ADGRB3: variants seen among roughly 807,000 people sequenced by gnomAD.
The protein encoded by ADGRB3 is adhesion G protein-coupled receptor B3, also known as brain-specific angiogenesis inhibitor 3.
Under a neutral mutation model 193.4 loss-of-function variants are expected in ADGRB3, and 37 were observed. That is an observed-to-expected ratio of 0.19 (90% CI 0.15 to 0.25). The LOEUF is 0.25. ADGRB3 is among the 10% of genes least tolerant of loss of function. The pLI, the probability that ADGRB3 is intolerant of heterozygous loss-of-function variation, is 1.00. For missense variants in ADGRB3, 1,637 were observed against 1,852.9 expected, an observed-to-expected ratio of 0.88 and a Z score of 2.14; for synonymous variants, 690 against 644.2, an observed-to-expected ratio of 1.07 and a Z score of -1.08.
chr6:68,861,504 G>A (rs1251157477), intron 3 of ADGRB3, among the ~76,000 whole-genome samples: 2 of 152,142 alleles, frequency 1.3e-5, no homozygotes, highest in African/African-American at 4.8e-5. Context: ...GGAGCTTGCA[G>A]TGAGCCGAGA....
At chr6:68,663,542 G>C (rs1019049099) in intron 3 of ADGRB3, among the ~76,000 whole-genome samples, 1 of 151,694 alleles carries the variant, frequency 6.6e-6, no homozygotes, top group Admixed American at 6.6e-5. Flanking sequence ...TACTATCCAT[G>C]TGTGTTTTGC....
At chr6:68,856,896 G>T (rs532958760) in intron 3 of ADGRB3, among the ~76,000 whole-genome samples, 42 of 152,298 alleles carry the variant, frequency 2.8e-4, no homozygotes, top group Non-Finnish European at 5.6e-4. Context: ...CAGGCCCTGG[G>T]CTCTCCTGCT....
chr6:69,291,745 C>T (rs866285504), intron 20 of ADGRB3, among the ~76,000 whole-genome samples: 7 of 152,088 alleles, frequency 4.6e-5, no homozygotes, highest in African/African-American at 9.7e-5. Flanking sequence ...TACACTACCC[C>T]CAAAATATGG....
chr6:69,183,389 A>G (rs1483295917), intron 17 of ADGRB3, among the ~76,000 whole-genome samples: 3 of 152,116 alleles, frequency 2.0e-5, no homozygotes, highest in African/African-American at 7.2e-5. Flanking sequence ...TAAGTAGTGA[A>G]GACTGTAAAC....
chr6:68,788,888 G>C (rs1171772545), intron 3 of ADGRB3, among the ~76,000 whole-genome samples: 1 of 152,174 alleles, frequency 6.6e-6, no homozygotes, highest in African/African-American at 2.4e-5. Flanking sequence ...TTGTTGAATT[G>C]ATCCCTTTAC....
chr6:68,873,979 T>C (rs1188878942), intron 3 of ADGRB3, among the ~76,000 whole-genome samples: 1 of 152,126 alleles, frequency 6.6e-6, no homozygotes, highest in African/African-American at 2.4e-5. Context: ...TCTAAATTTA[T>C]ATTAGTTGTT....
In ADGRB3 at chr6:69,377,587, G is replaced by A. The variant is rs143875984; in HGVS notation, c.4275+5146G>A. ...GCATTGTAGGTGTATAAAGTTCTAAGGCTGGAAAACGTCATTCACAGAAAC... is the reference window on the plus strand; with the variant it reads ...GCATTGTAGGTGTATAAAGTTCTAAAGCTGGAAAACGTCATTCACAGAAAC... On this transcript the variant is annotated intron_variant, in intron 30 of 31. Coordinates refer to ENST00000370598, the MANE Select transcript of ADGRB3 (RefSeq NM_001704.3). Among the ~76,000 whole-genome samples, 29 of 152,090 alleles carry A rather than the reference G, an allele frequency of 1.9e-4. No homozygotes were observed. The East Asian group carries it at 5.0e-3, about 26-fold the overall frequency.
At chr6:69,270,752 T>G (rs1767157021) in intron 20 of ADGRB3, among the ~76,000 whole-genome samples, 1 of 152,204 alleles carries the variant, frequency 6.6e-6, no homozygotes, top group Non-Finnish European at 1.5e-5. Context: ...GCTGTTCGAT[T>G]AAGAATGACA....
chr6:69,116,328 C>T (rs1273087077), intron 17 of ADGRB3, among the ~76,000 whole-genome samples: 1 of 152,142 alleles, frequency 6.6e-6, no homozygotes, highest in African/African-American at 2.4e-5. Flanking sequence ...AAAATTAACC[C>T]TCTCAGCATG....
At chr6:68,785,069 C>A (rs1034101077) in intron 3 of ADGRB3, among the ~76,000 whole-genome samples, 2 of 152,094 alleles carry the variant, frequency 1.3e-5, no homozygotes, top group African/African-American at 4.8e-5. Flanking sequence ...AGAGCTTCAT[C>A]ATCACTATTT....
chr6:68,667,490 A>T (rs1184577515), intron 3 of ADGRB3, among the ~76,000 whole-genome samples: 1 of 151,944 alleles, frequency 6.6e-6, no homozygotes, highest in Non-Finnish European at 1.5e-5. Context: ...GTCTGAATTT[A>T]TATCCGTAGA....
At chr6:69,094,249 A>G (rs1772801526) in intron 17 of ADGRB3, among the ~76,000 whole-genome samples, 1 of 152,182 alleles carries the variant, frequency 6.6e-6, no homozygotes, top group African/African-American at 2.4e-5. Flanking sequence ...CTCCATGCAC[A>G]CTCTTATTCT....
chr6:68,783,970 A>G (rs374470664), intron 3 of ADGRB3, among the ~76,000 whole-genome samples: 21 of 152,012 alleles, frequency 1.4e-4, no homozygotes, highest in African/African-American at 4.6e-4. Context: ...AGTTACTGCA[A>G]ATCAGTGTTC....
At chr6:68,856,713 A>G (rs1764995527) in intron 3 of ADGRB3, among the ~76,000 whole-genome samples, 1 of 152,196 alleles carries the variant, frequency 6.6e-6, no homozygotes, top group Non-Finnish European at 1.5e-5. Flanking sequence ...ATAAAATCCC[A>G]TTTTCTGGGG....
chr6:69,150,193 G>A lies in ADGRB3; in HGVS notation c.2480+74155G>A, dbSNP rs761165078. Among the ~76,000 whole-genome samples the A allele has an allele frequency of 2.4e-4, 37 of 152,204 alleles. No homozygotes were observed. In the Middle Eastern group the frequency reaches 0.01, roughly 42 times the overall value. On this transcript the variant is annotated intron_variant, in intron 17 of 31. Transcript: ENST00000370598. ...TCATGTTTGTATCTTTCCCTTCAGG[G>A]AAGCAAGTTCCCCAGGTCCCAGTTG...
At chr6:69,240,379 T>C in intron 20 of ADGRB3, among the ~76,000 whole-genome samples, 1 of 152,114 alleles carries the variant, frequency 6.6e-6, no homozygotes, top group East Asian at 1.9e-4. Flanking sequence ...AAAATTACTT[T>C]CGTGTCTTTG....
Position 68,767,119 on chromosome 6 carries a change from G to T in ADGRB3, c.757+127687G>T, listed in dbSNP as rs577791846. ...GTGCTTTCATTTTAACTCCTTAATT[G>T]TATATTTCTAGAGGTATAAATCATT... is the stretch of plus-strand genomic sequence containing the variant. On this transcript the variant is annotated intron_variant, in intron 3 of 31. Transcript: ENST00000370598. Among the ~76,000 whole-genome samples, 5 of 151,866 alleles carry T rather than the reference G, an allele frequency of 3.3e-5. No individual in the cohort carries two copies. The South Asian group carries it at 1.0e-3, about 32-fold the overall frequency.
At chr6:68,910,467 A>C (rs1582306840) in intron 3 of ADGRB3, among the ~76,000 whole-genome samples, 1 of 152,212 alleles carries the variant, frequency 6.6e-6, no homozygotes, top group African/African-American at 2.4e-5. Flanking sequence ...TGTTTTAGAC[A>C]TGAAGTCCTT....
At chr6:69,116,352 C>G (rs537007936) in intron 17 of ADGRB3, among the ~76,000 whole-genome samples, 1 of 152,162 alleles carries the variant, frequency 6.6e-6, no homozygotes, top group Non-Finnish European at 1.5e-5. Context: ...CTAAACACTG[C>G]GCCCACACAC....
Sources: gnomAD v4.1 joint callset for allele counts (sites outside exome capture counted in the v4.1 genomes callset) on GRCh38, gnomAD v4.1.1 for gene constraint, MANE v1.5 for transcripts, NCBI Gene and HGNC (gene_info 2026-07-23, HGNC 2026-07-21) for gene names.